The following KCNJ3 variants were observed in gnomAD, a reference collection of about 807,000 sequenced individuals.
KCNJ3 encodes the protein potassium inwardly rectifying channel subfamily J member 3.
A neutral mutation model predicts 39.2 loss-of-function variants in KCNJ3; 4 were observed. The observed-to-expected ratio is 0.10, with a 90% CI of 0.05 to 0.23. The LOEUF (loss-of-function observed/expected upper bound fraction) is 0.23. Among genes scored for constraint, KCNJ3 ranks in the 10% least tolerant of loss-of-function variants. KCNJ3 has a pLI of 1.00. For synonymous variants in KCNJ3, 230 were observed against 237.4 expected, an observed-to-expected ratio of 0.97 and a Z score of 0.29; for missense variants, 276 against 634.9, an observed-to-expected ratio of 0.43 and a Z score of 6.08.
intron 1 of KCNJ3, among the ~76,000 whole-genome samples, chr2:154,708,160 C>T: frequency 6.6e-6 from 1 of 152,032 alleles, no homozygotes; most frequent in African/African-American, 2.4e-5. Context: ...GAAAAATAGT[C>T]TCCCTTTCAT....
At chr2:154,797,717 T>A (rs1004340460) in intron 2 of KCNJ3, among the ~76,000 whole-genome samples, 3 of 152,050 alleles carry the variant, frequency 2.0e-5, no homozygotes, top group Admixed American at 2.0e-4. Flanking sequence ...GAAGTTAAAT[T>A]TACATTGAGC....
chr2:154,752,731 T>C (rs1027372282), intron 2 of KCNJ3, among the ~76,000 whole-genome samples: 1 of 151,988 alleles, frequency 6.6e-6, no homozygotes, highest in Non-Finnish European at 1.5e-5. Flanking sequence ...CAACTATAAA[T>C]TGGGGACAAT....
At chr2:154,820,540 A>G (rs1687155125) in intron 2 of KCNJ3, among the ~76,000 whole-genome samples, 1 of 152,150 alleles carries the variant, frequency 6.6e-6, no homozygotes, top group Non-Finnish European at 1.5e-5. Context: ...AGGTTGTTCA[A>G]TTGTAAATTT....
chr2:154,762,736 A>G (rs566317857), intron 2 of KCNJ3, among the ~76,000 whole-genome samples: 1 of 152,324 alleles, frequency 6.6e-6, no homozygotes, highest in Non-Finnish European at 1.5e-5. Context: ...ACATGAAGGA[A>G]GGAGAACTGG....
chr2:154,838,382 C>G (rs1687505833), intron 2 of KCNJ3, among the ~76,000 whole-genome samples: 1 of 152,174 alleles, frequency 6.6e-6, no homozygotes, highest in Non-Finnish European at 1.5e-5. Flanking sequence ...TGTATTTTGA[C>G]TACAACCATC....
At chr2:154,821,635 A>ATTTTTTTTTTTTTTTTTTTTTTT (rs71422263) in intron 2 of KCNJ3, among the ~76,000 whole-genome samples, 1 of 88,072 alleles carries the variant, frequency 1.1e-5, no homozygotes, top group Non-Finnish European at 2.1e-5. Context: ...AGAATATGTG[A>ATTTTTTTTTTTTTTTTTTTTTTT]TTTTTTTTTT....
At chr2:154,753,798 C>A (rs374817313) in intron 2 of KCNJ3, among the ~76,000 whole-genome samples, 1 of 152,098 alleles carries the variant, frequency 6.6e-6, no homozygotes, top group African/African-American at 2.4e-5. Flanking sequence ...TTGTTTAATA[C>A]ATAGATTTGT....
chr2:154,852,555 C>T (rs911163026), intron 2 of KCNJ3, among the ~76,000 whole-genome samples: 5 of 152,016 alleles, frequency 3.3e-5, no homozygotes, highest in Non-Finnish European at 7.4e-5. Flanking sequence ...AAGGCACTTC[C>T]ACATTATTTG....
In KCNJ3 at chr2:154,760,726, C is replaced by CTTTTTCTTCTTTTTTTTTTTT. The variant is rs1558866943; in HGVS notation, c.919+50912_919+50913insCTTCTTTTTTTTTTTTTTTTT. Among the ~76,000 whole-genome samples, 3 of 116,928 alleles carry CTTTTTCTTCTTTTTTTTTTTT rather than the reference C, an allele frequency of 2.6e-5. 1 individual carries two copies. Among genetic ancestry groups the CTTTTTCTTCTTTTTTTTTTTT allele is most frequent in the Non-Finnish European group, 3.7e-5 (2 of 54,108 alleles). The allele number at this position is 116,928 out of a possible 152,430, so 76.7% of individuals were successfully genotyped here. The stretch of plus-strand genomic sequence containing the variant: ...ATGCCAACACCCTGGCTATTTTTTT[C>CTTTTTCTTCTTTTTTTTTTTT]TTTTTTTTCTTTTTTTTTTTTTTTT... On this transcript the variant is annotated intron_variant, in intron 2 of 2. Transcript: ENST00000295101.
chr2:154,719,427 T>C (rs536097874), intron 2 of KCNJ3, among the ~76,000 whole-genome samples: 3 of 152,260 alleles, frequency 2.0e-5, no homozygotes, highest in African/African-American at 7.2e-5. Context: ...TGAAAATTAA[T>C]GTGGGTAGAA....
rs115341577 is a variant in KCNJ3, at chr2:154,709,418, T to C, written c.703-185T>C. 1,083 of 609,348 alleles carry C rather than the reference T, an allele frequency of 1.8e-3. 13 individuals carry two copies. The African/African-American group carries it at 0.019, about 10-fold the overall frequency. 37.7% of individuals were successfully genotyped at this position (609,348 alleles called of 1,614,324 possible). A position where few individuals can be genotyped will look rare whatever the true frequency, so the allele number is the denominator to read the frequency against. The stretch of plus-strand genomic sequence containing the variant: ...GTGTATTATAAATAATGCATGTATG[T>C]TCCGCATGAGCTATGTGGGATTTCG... On this transcript the variant is annotated intron_variant, in intron 1 of 2. Transcript: ENST00000295101.
chr2:154,786,327 A>G (rs1420398558), intron 2 of KCNJ3, among the ~76,000 whole-genome samples: 1 of 152,156 alleles, frequency 6.6e-6, no homozygotes, highest in Non-Finnish European at 1.5e-5. Flanking sequence ...CTTTCTATAG[A>G]CCCTTGGGAA....
chr2:154,724,881 TTATA>T (rs1432291294), intron 2 of KCNJ3, among the ~76,000 whole-genome samples: 1 of 137,250 alleles, frequency 7.3e-6, no homozygotes, highest in African/African-American at 2.8e-5. Flanking sequence ...TTATGTTTTA[TTATA>T]TATGTATGTA....
rs1272109577 is a variant in KCNJ3 at position 154,757,038 on chromosome 2, T to C, written c.919+47219T>C. Among the ~76,000 whole-genome samples, 4 of 151,980 alleles carry C rather than the reference T, an allele frequency of 2.6e-5. No homozygotes were observed. The East Asian group carries it at 7.7e-4, about 29-fold the overall frequency. ...GGATAACTTCACAATTCACTAGAAA[T>C]AAAAAATGAATTTAAAAAGTATTTT... On this transcript the variant is annotated intron_variant, in intron 2 of 2. Transcript: ENST00000295101.
chr2:154,788,688 C>T (rs900725216), intron 2 of KCNJ3, among the ~76,000 whole-genome samples: 4 of 151,208 alleles, frequency 2.6e-5, no homozygotes, highest in African/African-American at 4.9e-5. Context: ...AAATACTGAT[C>T]TAAAATATGT....
chr2:154,713,180 T>C (rs933490132), intron 2 of KCNJ3, among the ~76,000 whole-genome samples: 2 of 152,080 alleles, frequency 1.3e-5, no homozygotes, highest in African/African-American at 4.8e-5. Flanking sequence ...AGTAATAATT[T>C]AGTAATCTCA....
chr2:154,841,055 A>C (rs1377199196), intron 2 of KCNJ3, among the ~76,000 whole-genome samples: 1 of 152,120 alleles, frequency 6.6e-6, no homozygotes, highest in African/African-American at 2.4e-5. Context: ...ATTTAGTATG[A>C]TATTGGCTGT....
intron 2 of KCNJ3, among the ~76,000 whole-genome samples, chr2:154,748,620 C>T (rs1823002): frequency 0.81 from 122,692 of 151,922 alleles, 49,903 homozygotes; most frequent in Non-Finnish European, 0.86. Context: ...TATGAGTGAA[C>T]TGAACACTAT....
intron 2 of KCNJ3, among the ~76,000 whole-genome samples, chr2:154,760,862 G>A (rs563383018): frequency 7.5e-5 from 11 of 146,452 alleles, no homozygotes; most frequent in African/African-American, 2.8e-4. Context: ...TCAGCCTCCC[G>A]AGTAGCTGGG....
Sources: gnomAD v4.1 joint callset for allele counts (sites outside exome capture counted in the v4.1 genomes callset) on GRCh38, gnomAD v4.1.1 for gene constraint, MANE v1.5 for transcripts, NCBI Gene and HGNC (gene_info 2026-07-23, HGNC 2026-07-21) for gene names.